Variants in FRMD6 observed in about 807,000 individuals in gnomAD.
The protein encoded by FRMD6 is FERM domain-containing protein 6.
FRMD6 carries 37 observed loss-of-function variants against 73.2 expected under a neutral mutation model. The observed-to-expected ratio is 0.51, with a 90% CI of 0.39 to 0.66. FRMD6 has a LOEUF of 0.66. Among genes scored for constraint, FRMD6 ranks in the 30% least tolerant of loss-of-function variants. The pLI is 0.00. For missense variants in FRMD6, 714 were observed against 780.5 expected, an observed-to-expected ratio of 0.91 and a Z score of 1.02; for synonymous variants, 273 against 282.2, an observed-to-expected ratio of 0.97 and a Z score of 0.33.
rs183133794 is a variant in FRMD6, at chr14:51,639,098, C to T, written c.-146-50593C>T. On this transcript the variant is annotated intron_variant, in intron 2 of 14. Transcript: ENST00000356218. ...AAAACTAGGTGTTCCCATTTTTTGC[C>T]ACAGGACTTTTCTTTTCCTTTGTTT... 1.7e-3 allele frequency among the ~76,000 whole-genome samples: 264 copies of T among 151,788 alleles called. 2 individuals are homozygous for T. The South Asian group carries it at 0.022, about 13-fold the overall frequency.
chr14:51,592,141 G>T (rs1222774404), intron 2 of FRMD6, among the ~76,000 whole-genome samples: 4 of 152,152 alleles, frequency 2.6e-5, no homozygotes, highest in Non-Finnish European at 4.4e-5. Context: ...ATTTTCAAAT[G>T]TTCAACAATT....
At position 51,720,386 on chromosome 14, in the gene FRMD6, C is replaced by T. The variant is rs770954857; in HGVS notation, c.1356C>T (p.Asp452=). The T allele has an allele frequency of 2.4e-5, 39 of 1,612,852 alleles. No homozygotes were observed. Among genetic ancestry groups the T allele is most frequent in the East Asian group, 2.0e-4 (9 of 44,890 alleles). The change falls in exon 11 of 14, where the codon GAC becomes GAT. Residue 452 remains aspartate (D), a synonymous_variant. Transcript: ENST00000344768. ...GKDRLEEDLQ[D]DEIEMLVDDP... The stretch of plus-strand genomic sequence containing the variant: ...ACCGGCTGGAAGAGGACTTACAGGA[C>T]GATGGTAACAGTACTGTCCCCTCAC...
chr14:51,425,105 T>C, the FRMD6 span, among the ~76,000 whole-genome samples: 2 of 152,114 alleles, frequency 1.3e-5, no homozygotes, highest in African/African-American at 4.8e-5. Context: ...CCTCCTTTTG[T>C]CTCCCCAGGC....
At chr14:51,653,091 C>T (rs968842767) in intron 1 of FRMD6, among the ~76,000 whole-genome samples, 1 of 152,118 alleles carries the variant, frequency 6.6e-6, no homozygotes, top group African/African-American at 2.4e-5. Context: ...GTGCATTGCT[C>T]ACAGCAGGGA....
rs546419705 is a variant in FRMD6 at position 51,598,483 on chromosome 14, G to T, written c.-147+28073G>T. ...AGTAGGCATATTGTGTGATGCTAAG[G>T]TTTGAGATATGAATGATCCCATCAC... On this transcript the variant is annotated intron_variant, in intron 2 of 14. Coordinates refer to the FRMD6 transcript ENST00000356218. Among the ~76,000 whole-genome samples the T allele has an allele frequency of 2.0e-5, 3 of 152,264 alleles. No individual in the cohort carries two copies. In the South Asian group the frequency reaches 6.2e-4, roughly 32 times the overall value.
chr14:51,405,016 A>G, the FRMD6 span, among the ~76,000 whole-genome samples: 2 of 152,180 alleles, frequency 1.3e-5, no homozygotes, highest in Admixed American at 1.3e-4. Flanking sequence ...TACAAGTGAG[A>G]ACATGCGGTA....
chr14:51,404,919 C>T, the FRMD6 span, among the ~76,000 whole-genome samples: 1 of 152,238 alleles, frequency 6.6e-6, no homozygotes, highest in East Asian at 1.9e-4. Flanking sequence ...GCTCCTCTCC[C>T]TCCTTCCACC....
chr14:51,580,144 G>A (rs1283811639), intron 2 of FRMD6, among the ~76,000 whole-genome samples: 1 of 152,076 alleles, frequency 6.6e-6, no homozygotes, highest in East Asian at 1.9e-4. Context: ...GTGTGTGTGT[G>A]TGTGTATGTT....
At chr14:51,487,800 T>C (rs1254835224), upstream of FRMD6, among the ~76,000 whole-genome samples, 1 of 152,238 alleles carries the variant, frequency 6.6e-6, no homozygotes, top group Non-Finnish European at 1.5e-5. Context: ...GAAACTCATT[T>C]ATTGGCCCTA....
intron 2 of FRMD6, among the ~76,000 whole-genome samples, chr14:51,601,704 G>A (rs1408364928): frequency 6.6e-6 from 1 of 152,112 alleles, no homozygotes; most frequent in Non-Finnish European, 1.5e-5. Flanking sequence ...AAGACCCTGA[G>A]GATATTGTGA....
chr14:51,491,821 C>A (rs2140170072), intron 1 of FRMD6, among the ~76,000 whole-genome samples: 1 of 152,274 alleles, frequency 6.6e-6, no homozygotes, highest in Middle Eastern at 3.4e-3. Flanking sequence ...GTGAGGCGGA[C>A]ACTTAGGCAG....
chr14:51,571,806 G>A (rs142638603), intron 2 of FRMD6, among the ~76,000 whole-genome samples: 14 of 152,206 alleles, frequency 9.2e-5, no homozygotes, highest in East Asian at 5.8e-4. Flanking sequence ...GGAGTACTTA[G>A]CAAATACCTG....
intron 1 of FRMD6, among the ~76,000 whole-genome samples, chr14:51,518,274 A>G (rs1182429953): frequency 1.3e-5 from 2 of 152,216 alleles, no homozygotes; most frequent in Non-Finnish European, 2.9e-5. Flanking sequence ...CAACAAAGGA[A>G]TATTATTTAG....
intron 2 of FRMD6, among the ~76,000 whole-genome samples, chr14:51,645,656 T>C (rs1372084828): frequency 1.3e-5 from 2 of 152,038 alleles, no homozygotes; most frequent in Non-Finnish European, 2.9e-5. Context: ...CACTATGTTA[T>C]CCAGGCTGGT....
intron 1 of FRMD6, among the ~76,000 whole-genome samples, chr14:51,540,477 C>T (rs1182581076): frequency 1.3e-5 from 2 of 152,050 alleles, no homozygotes; most frequent in East Asian, 1.9e-4. Flanking sequence ...TGATAGGGGC[C>T]GTGCTGTTTT....
the FRMD6 span, among the ~76,000 whole-genome samples, chr14:51,412,445 G>A: frequency 6.6e-6 from 1 of 151,930 alleles, no homozygotes; most frequent in Non-Finnish European, 1.5e-5. Context: ...CAAATATAAA[G>A]AGGAAAGGGT....
At chr14:51,415,412 T>C in the FRMD6 span, among the ~76,000 whole-genome samples, 1 of 151,988 alleles carries the variant, frequency 6.6e-6, no homozygotes, top group Non-Finnish European at 1.5e-5. Context: ...ATTGAGATAA[T>C]TGTGGTTTTT....
intron 1 of FRMD6, among the ~76,000 whole-genome samples, chr14:51,541,998 T>G (rs542495687): frequency 2.0e-4 from 30 of 152,182 alleles, no homozygotes; most frequent in Admixed American, 9.2e-4. Context: ...CACCAATGTT[T>G]CTCAGAGTTT....
the FRMD6 span, among the ~76,000 whole-genome samples, chr14:51,454,132 C>T: frequency 6.6e-6 from 1 of 152,174 alleles, no homozygotes; most frequent in Non-Finnish European, 1.5e-5. Context: ...CAGCCTAATG[C>T]CTCCCTTGGC....
Sources: allele counts gnomAD v4.1 joint callset (sites outside exome capture counted in the v4.1 genomes callset), GRCh38; gene constraint gnomAD v4.1.1; transcripts MANE v1.5; gene names NCBI Gene and HGNC (gene_info 2026-07-23, HGNC 2026-07-21).